The following CDHR1 variants were observed in gnomAD, a reference collection of about 807,000 sequenced individuals.
CDHR1 encodes cadherin related family member 1, also known as cadherin-related family member 1.
Under a neutral mutation model 72.1 loss-of-function variants are expected in CDHR1, and 61 were observed. The ratio of observed to expected loss-of-function variants is 0.85; its 90% CI spans 0.69 to 1.05. The LOEUF is 1.05. CDHR1 is among the 50% of genes least tolerant of loss of function. The pLI is 0.00. For synonymous variants in CDHR1, 470 were observed against 448.1 expected, an observed-to-expected ratio of 1.05 and a Z score of -0.62; for missense variants, 1,186 against 1,115.7, an observed-to-expected ratio of 1.06 and a Z score of -0.90.
At position 84,212,498 on chromosome 10, in the gene CDHR1, AT is replaced by A. The variant is rs1437703982; in HGVS notation, c.1782+97del. 3.4e-6 allele frequency: 4 copies of A among 1,171,360 alleles called. No individual in the cohort carries two copies. The African/African-American group carries it at 4.6e-5, about 13-fold the overall frequency. The allele number at this position is 1,171,360 out of a possible 1,614,324, so 72.6% of individuals were successfully genotyped here. On this transcript the variant is annotated intron_variant, in intron 15 of 16. Coordinates refer to ENST00000623527, the MANE Select transcript of CDHR1 (RefSeq NM_033100.4). ...GCATAAGAATTTCATTGAAGATAAAATTTTTTGGCTTCCCACCATGGACAAA... is the reference window on the plus strand; with the variant it reads ...GCATAAGAATTTCATTGAAGATAAAATTTTTGGCTTCCCACCATGGACAAA...
intron 12 of CDHR1, among the ~76,000 whole-genome samples, chr10:84,209,319 TATATA>T (rs1296352400): frequency 2.0e-5 from 3 of 152,204 alleles, no homozygotes; most frequent in Admixed American, 2.0e-4. Flanking sequence ...TATATGAACA[TATATA>T]ATATGTTAAT....
At chr10:84,195,196 C>T (rs777814013) in intron 1 of CDHR1, among the ~76,000 whole-genome samples, 1 of 152,236 alleles carries the variant, frequency 6.6e-6, no homozygotes, top group Non-Finnish European at 1.5e-5. Context: ...TGCCCCTCTC[C>T]GAGCGCGGGT....
chr10:84,218,364 G>T lies in CDHR1; in HGVS notation c.*3743G>T, dbSNP rs539402821. On this transcript the variant is annotated 3_prime_UTR_variant, in exon 17 of 17. Transcript: ENST00000623527. The stretch of plus-strand genomic sequence containing the variant: ...TTTGATGTTATAAAATCGTGCACAT[G>T]TACCCCTTTTGAGGCCTGAATGAGG... 1.0e-6 allele frequency: 1 copy of T among 985,308 alleles called. No homozygotes were observed. The highest frequency in any genetic ancestry group is 1.7e-5 in the African/African-American group (1 of 57,220). 61.0% of individuals were successfully genotyped at this position (985,308 alleles called of 1,614,324 possible).
At chr10:84,196,214 G>A (rs182613870) in intron 2 of CDHR1, among the ~76,000 whole-genome samples, 1 of 152,160 alleles carries the variant, frequency 6.6e-6, no homozygotes, top group Non-Finnish European at 1.5e-5. Context: ...CAGAACATAG[G>A]CACTACAGTT....
intron 6 of CDHR1, 90 bp downstream of exon 6, chr10:84,200,777 C>A: frequency 2.3e-6 from 2 of 868,806 alleles, no homozygotes; most frequent in South Asian, 1.4e-5. Flanking sequence ...GCCCTTAGGT[C>A]GGTGCCTCTA....
Position 84,217,334 on chromosome 10 carries a change from G to C in CDHR1, c.*2713G>C. Reference sequence around the variant, plus strand: ...TCCTGGCCCTGAGAATGGAGCTGTAGCCTCATGGACAATAAATGGATGTGA... The same window carrying C: ...TCCTGGCCCTGAGAATGGAGCTGTACCCTCATGGACAATAAATGGATGTGA... On this transcript the variant is annotated 3_prime_UTR_variant, in exon 17 of 17. Coordinates refer to ENST00000623527, the MANE Select transcript of CDHR1 (RefSeq NM_033100.4). 1 of 985,284 alleles carries C rather than the reference G, an allele frequency of 1.0e-6. No individual in the cohort carries two copies. The highest frequency in any genetic ancestry group is 1.2e-6 in the Non-Finnish European group (1 of 829,816). The allele number at this position is 985,284 out of a possible 1,614,324, so 61.0% of individuals were successfully genotyped here.
chr10:84,208,046 T>C (rs1842258713), intron 10 of CDHR1, 128 bp from the exon 11 acceptor site: 3 of 801,216 alleles, frequency 3.7e-6, no homozygotes, highest in Non-Finnish European at 6.5e-6. Flanking sequence ...TATTATCAGT[T>C]AGAACCAAGT....
intron 7 of CDHR1, among the ~76,000 whole-genome samples, chr10:84,202,766 C>T (rs528904727): frequency 6.6e-6 from 1 of 152,360 alleles, no homozygotes; most frequent in East Asian, 1.9e-4. Context: ...GAAGAGAGAA[C>T]TAACCCCACT....
chr10:84,215,337 G>T lies in CDHR1; in HGVS notation c.*716G>T. 6.1e-6 allele frequency: 6 copies of T among 986,042 alleles called. No homozygotes were observed. Among genetic ancestry groups the T allele is most frequent in the Non-Finnish European group, 7.2e-6 (6 of 830,418 alleles). 61.1% of individuals were successfully genotyped at this position (986,042 alleles called of 1,614,324 possible). ...AGGGCAGATGTCTCCAGCCAGGACT[G>T]CCCTGAGCCGCAAAATGTCAAAGCT... On this transcript the variant is annotated 3_prime_UTR_variant, in exon 17 of 17. Transcript: ENST00000623527.
intron 5 of CDHR1, 152 bp from the exon 6 acceptor site, chr10:84,200,449 C>G: frequency 2.9e-6 from 2 of 679,612 alleles, no homozygotes; most frequent in Admixed American, 2.1e-5. Flanking sequence ...TGGGCCCAGC[C>G]CCCACTGGGT....
At chr10:84,210,567 T>C (rs916025785) in intron 12 of CDHR1, among the ~76,000 whole-genome samples, 1 of 152,180 alleles carries the variant, frequency 6.6e-6, no homozygotes, top group Non-Finnish European at 1.5e-5. Flanking sequence ...GCGCCTGACC[T>C]ATTTTTTTGT....
At chr10:84,199,860 A>C (rs1414603184) in intron 5 of CDHR1, among the ~76,000 whole-genome samples, 1 of 152,166 alleles carries the variant, frequency 6.6e-6, no homozygotes, top group East Asian at 1.9e-4. Flanking sequence ...ACAATACTGA[A>C]TTCTCAAAGT....
intron 12 of CDHR1, among the ~76,000 whole-genome samples, chr10:84,210,202 G>A (rs1564663464): frequency 6.6e-6 from 1 of 152,048 alleles, no homozygotes; most frequent in African/African-American, 2.4e-5. Flanking sequence ...CCTGGAAATA[G>A]AGCCAAGACT....
At chr10:84,196,405 G>C (rs1244144113) in intron 2 of CDHR1, 100 bp from the exon 3 acceptor site, 6 of 1,334,892 alleles carry the variant, frequency 4.5e-6, no homozygotes, top group Non-Finnish European at 6.5e-6. Flanking sequence ...GAGTTGAATA[G>C]TCACTTTATA....
chr10:84,202,029 G>A (rs1842137186), intron 7 of CDHR1, 109 bp downstream of exon 7: 1 of 804,540 alleles, frequency 1.2e-6, no homozygotes. Context: ...GAGACATGAT[G>A]GGCGTGGGGA....
chr10:84,217,064 C>T lies in CDHR1; in HGVS notation c.*2443C>T. On this transcript the variant is annotated 3_prime_UTR_variant, in exon 17 of 17. Coordinates refer to ENST00000623527, the MANE Select transcript of CDHR1 (RefSeq NM_033100.4). ...GGATGGGGAAGTGCCCGGTAGCCAG[C>T]ATGAGCCACACTAGGAAAGAGGAGG... 1.0e-6 allele frequency: 1 copy of T among 985,658 alleles called. No individual in the cohort carries two copies. The highest frequency in any genetic ancestry group is 1.2e-6 in the Non-Finnish European group (1 of 830,116). 61.1% of individuals were successfully genotyped at this position (985,658 alleles called of 1,614,324 possible).
intron 8 of CDHR1, 132 bp downstream of exon 8, chr10:84,203,255 G>A: frequency 8.6e-7 from 1 of 1,166,576 alleles, no homozygotes; most frequent in South Asian, 1.3e-5. Flanking sequence ...GGCCAGCTCT[G>A]GACTCACCCA....
Position 84,214,658 on chromosome 10 carries a change from T to G in CDHR1, c.*37T>G. On this transcript the variant is annotated 3_prime_UTR_variant, in exon 17 of 17. Coordinates refer to ENST00000623527, the MANE Select transcript of CDHR1 (RefSeq NM_033100.4). ...TGACCCCCCATCTTTCCTCCGCCCC[T>G]GACCCCCACCACCCTGCTGCTCGGA... The G allele has an allele frequency of 6.9e-7, 1 of 1,443,160 alleles. No homozygotes were observed. Among genetic ancestry groups the G allele is most frequent in the Non-Finnish European group, 9.6e-7 (1 of 1,041,580 alleles). The allele number at this position is 1,443,160 out of a possible 1,614,324, so 89.4% of individuals were successfully genotyped here. A position where few individuals can be genotyped will look rare whatever the true frequency, so the allele number is the denominator to read the frequency against.
At chr10:84,194,891 G>A (rs1841999711) in intron 1 of CDHR1, 76 bp downstream of exon 1, 8 of 1,382,928 alleles carry the variant, frequency 5.8e-6, no homozygotes, top group Non-Finnish European at 7.9e-6. Flanking sequence ...GGTGGCCAGA[G>A]GGACATGGTC....
Sources: gnomAD v4.1 joint callset for allele counts (sites outside exome capture counted in the v4.1 genomes callset) on GRCh38, gnomAD v4.1.1 for gene constraint, MANE v1.5 for transcripts, NCBI Gene and HGNC (gene_info 2026-07-23, HGNC 2026-07-21) for gene names.